The following MROH9 variants were observed in gnomAD, a reference collection of about 807,000 sequenced individuals.
The protein encoded by MROH9 is maestro heat-like repeat-containing protein family member 9.
Under a neutral mutation model 98.2 loss-of-function variants are expected in MROH9, and 92 were observed. The ratio of observed to expected loss-of-function variants is 0.94; its 90% CI spans 0.79 to 1.11. The LOEUF is 1.11. Ranked by LOEUF, MROH9 falls within the 50% of genes most tolerant of loss-of-function variation. The probability of loss-of-function intolerance (pLI) is 0.00; values close to 1 mark genes in which losing one functional copy is unlikely to be tolerated. For missense variants in MROH9, 1,057 were observed against 1,014.8 expected (o/e 1.04, Z -0.57); for synonymous variants, 397 against 368.9 (o/e 1.08, Z -0.87).
intron 10 of MROH9, among the ~76,000 whole-genome samples, chr1:170,987,567 A>AT (rs1651190476): frequency 1.3e-5 from 2 of 152,302 alleles, no homozygotes; most frequent in African/African-American, 4.8e-5. Flanking sequence ...AACAATTAAC[A>AT]TTTTTTAGTC....
intron 20 of MROH9, among the ~76,000 whole-genome samples, chr1:171,048,934 A>T (rs1653561617): frequency 6.6e-6 from 1 of 152,148 alleles, no homozygotes. Flanking sequence ...TATGTTTAGA[A>T]ATGTCGTCTG....
At chr1:170,961,231 C>T (rs145520868) in intron 5 of MROH9, among the ~76,000 whole-genome samples, 32 of 152,158 alleles carry the variant, frequency 2.1e-4, no homozygotes, top group African/African-American at 6.3e-4. Context: ...GAAAAGTATA[C>T]GTACAAGAGT....
chr1:170,990,409 C>T (rs993650861), intron 11 of MROH9, among the ~76,000 whole-genome samples: 1 of 152,086 alleles, frequency 6.6e-6, no homozygotes, highest in African/African-American at 2.4e-5. Flanking sequence ...GAAGGACAGA[C>T]ATAAGATATT....
intron 8 of MROH9, among the ~76,000 whole-genome samples, chr1:170,974,296 A>G (rs958814210): frequency 1.3e-5 from 2 of 152,162 alleles, no homozygotes; most frequent in Non-Finnish European, 2.9e-5. Context: ...TAAAAGCTAT[A>G]AACTCACACA....
chr1:171,015,230 A>C (rs1405575364), intron 16 of MROH9: 1 of 345,644 alleles, frequency 2.9e-6, no homozygotes, highest in Non-Finnish European at 5.7e-6. Context: ...TTTACTTTAA[A>C]TAAATAATAC....
chr1:170,971,630 TA>T (rs1325527743), intron 7 of MROH9, 117 bp from the exon 8 acceptor site: 1 of 1,186,592 alleles, frequency 8.4e-7, no homozygotes, highest in African/African-American at 1.5e-5. Flanking sequence ...ACAGATATTG[TA>T]AACTCTGAAG....
intron 20 of MROH9, among the ~76,000 whole-genome samples, chr1:171,033,909 C>T (rs977273986): frequency 6.6e-6 from 1 of 151,978 alleles, no homozygotes; most frequent in African/African-American, 2.4e-5. Context: ...ATTAAATATA[C>T]TGAGATAAGG....
chr1:171,005,113 G>T lies in MROH9; in HGVS notation c.1596+6839G>T, dbSNP rs190990688. 1.0e-3 allele frequency among the ~76,000 whole-genome samples: 158 copies of T among 152,188 alleles called. 1 individual carries two copies. Among genetic ancestry groups the T allele is most frequent in the African/African-American group, 3.6e-3 (150 of 41,506 alleles). On this transcript the variant is annotated intron_variant, in intron 15 of 21. Transcript: ENST00000367759. ...CAGGTCTTGCTGTGTTTCCCAGGCTGGAGTGCAGTCACATGATCTTGACTT... is the reference window on the plus strand; with the variant it reads ...CAGGTCTTGCTGTGTTTCCCAGGCTTGAGTGCAGTCACATGATCTTGACTT...
chr1:171,009,443 AT>A (rs1652071210), intron 15 of MROH9, among the ~76,000 whole-genome samples: 1 of 152,192 alleles, frequency 6.6e-6, no homozygotes. Context: ...TGATATTATC[AT>A]TTTAAGACTA....
intron 14 of MROH9, among the ~76,000 whole-genome samples, chr1:170,997,268 CA>C (rs1291487452): frequency 6.6e-6 from 1 of 152,062 alleles, no homozygotes; most frequent in African/African-American, 2.4e-5. Flanking sequence ...GCTTTTATAA[CA>C]GCATCTCATT....
chr1:171,000,460 C>A (rs975100395), intron 15 of MROH9, among the ~76,000 whole-genome samples: 1 of 151,858 alleles, frequency 6.6e-6, no homozygotes, highest in East Asian at 1.9e-4. Flanking sequence ...GGATGCTGGA[C>A]TTTGTCGAAT....
intron 8 of MROH9, among the ~76,000 whole-genome samples, chr1:170,976,688 T>G (rs1169423661): frequency 6.6e-6 from 1 of 152,158 alleles, no homozygotes; most frequent in African/African-American, 2.4e-5. Flanking sequence ...CTTTTTTTAT[T>G]TTGACCTTGG....
intron 3 of MROH9, among the ~76,000 whole-genome samples, chr1:170,953,115 ACTTC>A (rs1160826117): frequency 6.6e-6 from 1 of 152,120 alleles, no homozygotes; most frequent in Non-Finnish European, 1.5e-5. Context: ...AGTTATGAAT[ACTTC>A]CTTAAACTAT....
intron 1 of MROH9, among the ~76,000 whole-genome samples, chr1:170,937,711 G>T (rs1005076810): frequency 6.6e-6 from 1 of 151,570 alleles, no homozygotes; most frequent in African/African-American, 2.4e-5. Context: ...TTTTAGTAGA[G>T]ACGGGGTTTC....
chr1:171,048,569 G>A (rs918223938), intron 20 of MROH9, among the ~76,000 whole-genome samples: 23 of 152,122 alleles, frequency 1.5e-4, no homozygotes, highest in Admixed American at 9.2e-4. Flanking sequence ...CCCAAGGCAG[G>A]TCTAAAAATA....
rs1004613222 is a variant in MROH9 at position 171,064,596 on chromosome 1, C to A, written c.*256C>A. On this transcript the variant is annotated 3_prime_UTR_variant, in exon 22 of 22. Coordinates refer to ENST00000367759, the MANE Select transcript of MROH9 (RefSeq NM_001163629.2). ...CCCTATTTCATCAAAACCACTAAGA[C>A]AATTGAAAATAACATAAGCAAAGTG... 1.2e-5 allele frequency: 4 copies of A among 347,494 alleles called. No individual in the cohort carries two copies. The highest frequency in any genetic ancestry group is 1.5e-5 in the Non-Finnish European group (3 of 195,510). 21.5% of individuals were successfully genotyped at this position (347,494 alleles called of 1,614,324 possible). A position where few individuals can be genotyped will look rare whatever the true frequency, so the allele number is the denominator to read the frequency against.
At chr1:171,043,227 C>A (rs1653362982) in intron 20 of MROH9, among the ~76,000 whole-genome samples, 1 of 152,004 alleles carries the variant, frequency 6.6e-6, no homozygotes, top group Non-Finnish European at 1.5e-5. Flanking sequence ...TTTCCAGCAC[C>A]ATTTATTGAA....
chr1:170,993,863 T>C (rs898684626), intron 12 of MROH9, among the ~76,000 whole-genome samples: 11 of 152,206 alleles, frequency 7.2e-5, no homozygotes, highest in African/African-American at 2.7e-4. Flanking sequence ...GAATTTTCTT[T>C]TTAGTGTGTT....
intron 9 of MROH9, among the ~76,000 whole-genome samples, chr1:170,985,959 T>G (rs1651116924): frequency 6.6e-6 from 1 of 152,144 alleles, no homozygotes; most frequent in Admixed American, 6.6e-5. Context: ...TGACTTTTTT[T>G]TTTTCCATAT....
Sources: gnomAD v4.1 joint callset for allele counts (sites outside exome capture counted in the v4.1 genomes callset) on GRCh38, gnomAD v4.1.1 for gene constraint, MANE v1.5 for transcripts, NCBI Gene and HGNC (gene_info 2026-07-23, HGNC 2026-07-21) for gene names.